Variants in PLSCR2 observed in about 807,000 individuals in gnomAD.
PLSCR2 encodes phospholipid scramblase 2.
PLSCR2 carries 18 observed loss-of-function variants against 25.3 expected under a neutral mutation model. The ratio of observed to expected loss-of-function variants is 0.71; its 90% CI spans 0.49 to 1.06. The LOEUF (loss-of-function observed/expected upper bound fraction) is 1.06. Ranked by LOEUF, PLSCR2 falls within the 50% of genes least tolerant of loss-of-function variation. The probability of loss-of-function intolerance (pLI) is 0.00; values close to 1 mark genes in which losing one functional copy is unlikely to be tolerated. For synonymous variants in PLSCR2, 88 were observed against 87.3 expected (o/e 1.01, Z -0.04); for missense variants, 243 against 269.5 (o/e 0.90, Z 0.69).
At position 146,488,862 on chromosome 3, in the gene PLSCR2, G is replaced by T. The variant is rs778947456; in HGVS notation, c.-293+7033C>A. On this transcript the variant is annotated intron_variant, in intron 1 of 8. Transcript: ENST00000336685. ...GAATCATTCTATTATAAAGATAAAC[G>T]CACATGTATGTTAATTGCAGCACTA... Among the ~76,000 whole-genome samples, 3 of 152,076 alleles carry T rather than the reference G, an allele frequency of 2.0e-5. No individual in the cohort carries two copies. The East Asian group carries it at 5.8e-4, about 29-fold the overall frequency.
chr3:146,485,664 G>C (rs920833678), intron 1 of PLSCR2, among the ~76,000 whole-genome samples: 1 of 151,998 alleles, frequency 6.6e-6, no homozygotes, highest in African/African-American at 2.4e-5. Flanking sequence ...AAACCATACA[G>C]CTATCTGAAG....
At chr3:146,454,612 A>T (rs2041091422) in intron 4 of PLSCR2, among the ~76,000 whole-genome samples, 2 of 152,144 alleles carry the variant, frequency 1.3e-5, no homozygotes, top group Admixed American at 6.5e-5. Flanking sequence ...TTCCTAAAAC[A>T]TCTCTGAACC....
intron 1 of PLSCR2, among the ~76,000 whole-genome samples, chr3:146,491,145 C>A (rs1228514523): frequency 6.6e-6 from 1 of 152,044 alleles, no homozygotes; most frequent in East Asian, 1.9e-4. Context: ...GTTGGAATTT[C>A]TTTTCTTTAA....
At chr3:146,419,371 C>T (rs1344514332) in intron 2 of PLSCR2, among the ~76,000 whole-genome samples, 2 of 152,012 alleles carry the variant, frequency 1.3e-5, no homozygotes, top group African/African-American at 4.8e-5. Context: ...GTAAAGTAAT[C>T]CAGGAATTTT....
intron 1 of PLSCR2, among the ~76,000 whole-genome samples, chr3:146,472,046 C>T (rs777202184): frequency 6.6e-5 from 10 of 152,118 alleles, no homozygotes; most frequent in Non-Finnish European, 8.8e-5. Context: ...TCTTCCTTTA[C>T]GTCTATTCCT....
intron 5 of PLSCR2, 96 bp downstream of exon 5, chr3:146,453,906 A>C (rs1017050603): frequency 2.1e-6 from 2 of 935,968 alleles, no homozygotes; most frequent in East Asian, 5.6e-5. Flanking sequence ...TTGAGACATC[A>C]GTACACAATA....
Position 146,447,700 on chromosome 3 carries a change from C to G in PLSCR2, c.645+1506G>C, listed in dbSNP as rs143674746. On this transcript the variant is annotated intron_variant, in intron 6 of 6. Coordinates refer to ENST00000610787, the Ensembl canonical transcript of PLSCR2. The stretch of plus-strand genomic sequence containing the variant: ...CTCCTTGGGCTGCCCTGGCTGGTGT[C>G]TCACTAGGTTATATATACCCATAAG... 3.2e-3 allele frequency among the ~76,000 whole-genome samples: 486 copies of G among 152,282 alleles called. 3 individuals are homozygous for G. Among genetic ancestry groups the G allele is most frequent in the African/African-American group, 0.011 (468 of 41,562 alleles).
At chr3:146,391,918 C>T (rs1220774575) in intron 3 of PLSCR2, among the ~76,000 whole-genome samples, 2 of 152,022 alleles carry the variant, frequency 1.3e-5, no homozygotes, top group African/African-American at 4.8e-5. Context: ...CAATCAATCC[C>T]AAAATCTACC....
At chr3:146,406,910 T>C (rs1576570185) in intron 2 of PLSCR2, among the ~76,000 whole-genome samples, 1 of 152,182 alleles carries the variant, frequency 6.6e-6, no homozygotes, top group African/African-American at 2.4e-5. Flanking sequence ...AGTGGCAGGA[T>C]GATGTCTTGT....
chr3:146,394,035 C>T (rs2038189696), intron 3 of PLSCR2, among the ~76,000 whole-genome samples: 1 of 151,932 alleles, frequency 6.6e-6, no homozygotes, highest in African/African-American at 2.4e-5. Flanking sequence ...ATTATTACAT[C>T]TTGTTTGAAT....
chr3:146,392,693 A>G (rs964954791), intron 3 of PLSCR2, among the ~76,000 whole-genome samples: 1 of 151,660 alleles, frequency 6.6e-6, no homozygotes, highest in African/African-American at 2.4e-5. Context: ...TATGGGGTAC[A>G]CACATTTAAA....
Position 146,478,810 on chromosome 3 carries a change from A to C in PLSCR2, c.-293+17085T>G, listed in dbSNP as rs571614263. Among the ~76,000 whole-genome samples, 12 of 152,360 alleles carry C rather than the reference A, an allele frequency of 7.9e-5. No individual in the cohort carries two copies. The South Asian group carries it at 2.5e-3, about 32-fold the overall frequency. ...ATAATTGTCAGATTCACCAAGGTTG[A>C]AATGAAGGAAAAAATGTTAAGGGCA... is the stretch of plus-strand genomic sequence containing the variant. On this transcript the variant is annotated intron_variant, in intron 1 of 8. Transcript: ENST00000336685.
chr3:146,490,875 T>C (rs1453061333), intron 1 of PLSCR2, among the ~76,000 whole-genome samples: 1 of 152,126 alleles, frequency 6.6e-6, no homozygotes, highest in Non-Finnish European at 1.5e-5. Flanking sequence ...ATGTGAGAAT[T>C]TGATGCTGTC....
At chr3:146,428,695 T>A (rs142907690), downstream of PLSCR2, among the ~76,000 whole-genome samples, 1 of 152,310 alleles carries the variant, frequency 6.6e-6, no homozygotes, top group African/African-American at 2.4e-5. Context: ...TTTGATGCTA[T>A]GAGGCTAAGA....
chr3:146,398,243 A>T (rs2038338011), intron 2 of PLSCR2, among the ~76,000 whole-genome samples: 2 of 151,920 alleles, frequency 1.3e-5, no homozygotes, highest in Admixed American at 6.6e-5. Context: ...TAATCTGAGA[A>T]GTAAATTAGT....
chr3:146,467,308 AAT>A (rs1244212718), intron 1 of PLSCR2, among the ~76,000 whole-genome samples: 1 of 152,198 alleles, frequency 6.6e-6, no homozygotes, highest in African/African-American at 2.4e-5. Flanking sequence ...AAGAAACAAA[AAT>A]GAGTCTTAAA....
intron 3 of PLSCR2, among the ~76,000 whole-genome samples, chr3:146,457,866 C>T (rs1466805921): frequency 1.3e-5 from 2 of 152,070 alleles, no homozygotes; most frequent in African/African-American, 4.8e-5. Context: ...AGGACAGATG[C>T]TTATCATAAT....
intron 2 of PLSCR2, among the ~76,000 whole-genome samples, chr3:146,397,774 A>G (rs543799591): frequency 6.6e-6 from 1 of 152,214 alleles, no homozygotes; most frequent in East Asian, 1.9e-4. Context: ...CCAGAGTTTT[A>G]TGCATAGTCT....
At chr3:146,423,283 C>CTCT (rs2039223901) in intron 2 of PLSCR2, among the ~76,000 whole-genome samples, 2 of 75,470 alleles carry the variant, frequency 2.7e-5, no homozygotes, top group African/African-American at 4.3e-5. Flanking sequence ...CTCTCTCTCT[C>CTCT]CCTGGCTAGA....
Sources: allele counts gnomAD v4.1 joint callset (sites outside exome capture counted in the v4.1 genomes callset), GRCh38; gene constraint gnomAD v4.1.1; transcripts MANE v1.5; gene names NCBI Gene and HGNC (gene_info 2026-07-23, HGNC 2026-07-21).